Variants in HUNK observed in about 807,000 individuals in gnomAD.
HUNK encodes hormonally up-regulated Neu-associated kinase, also known as hormonally up-regulated neu tumor-associated kinase.
HUNK carries 21 observed loss-of-function variants against 61.0 expected under a neutral mutation model. The ratio of observed to expected loss-of-function variants is 0.34; its 90% CI spans 0.24 to 0.50. The LOEUF is 0.50. Ranked by LOEUF, HUNK falls within the 20% of genes least tolerant of loss-of-function variation. HUNK has a pLI of 0.98. For missense variants in HUNK, 772 were observed against 945.7 expected, an observed-to-expected ratio of 0.82 and a Z score of 2.41; for synonymous variants, 371 against 386.1, an observed-to-expected ratio of 0.96 and a Z score of 0.46.
chr21:31,924,278 GTGTGTGTT>G lies in HUNK; in HGVS notation c.262-183_262-176del, dbSNP rs1192671767. Reference sequence around the variant, plus strand: ...ATGTTGTACCTATATGTGTGTGTGTGTGTGTGTTTGTGTGGTATATGCATAAATATAAA... The same window carrying G: ...ATGTTGTACCTATATGTGTGTGTGTGTGTGTGGTATATGCATAAATATAAA... On this transcript the variant is annotated intron_variant, in intron 1 of 10. Transcript: ENST00000270112. The surrounding 1 kb of genome is among the most constrained non-coding windows in gnomAD (Gnocchi z 5.1). Among the ~76,000 whole-genome samples, 3 of 150,128 alleles carry G rather than the reference GTGTGTGTT, an allele frequency of 2.0e-5. No individual in the cohort carries two copies. The highest frequency in any genetic ancestry group is 7.4e-5 in the African/African-American group (3 of 40,298).
intron 3 of HUNK, among the ~76,000 whole-genome samples, chr21:31,942,963 A>C (rs2052779165): frequency 6.6e-6 from 1 of 152,136 alleles, no homozygotes; most frequent in Admixed American, 6.5e-5. Flanking sequence ...GGAGAGATGA[A>C]GGCCCAGTGT....
chr21:31,946,160 T>C lies in HUNK; in HGVS notation c.735T>C (p.Asp245=). ...LARKKYGPKI[D]VWSIGVNMYA... Reference sequence around the variant, plus strand: ...GGAAGAAATACGGCCCCAAAATCGATGTCTGGTCCATGTGAGTTATCAAGC... The same window carrying C: ...GGAAGAAATACGGCCCCAAAATCGACGTCTGGTCCATGTGAGTTATCAAGC... Residue 245 remains aspartate (D), a synonymous_variant, in exon 4 of 11, where the codon GAT becomes GAC. Coordinates refer to ENST00000270112, the MANE Select transcript of HUNK (RefSeq NM_014586.2). 1.2e-6 allele frequency: 2 copies of C among 1,612,136 alleles called. No individual in the cohort carries two copies. The highest frequency in any genetic ancestry group is 2.2e-5 in the South Asian group (2 of 91,002).
intron 7 of HUNK, among the ~76,000 whole-genome samples, chr21:31,982,965 G>A (rs185647603): frequency 9.1e-4 from 139 of 152,172 alleles, no homozygotes; most frequent in Non-Finnish European, 5.6e-4. Flanking sequence ...CACCATGATT[G>A]GCTATTTTTG....
At chr21:31,972,280 G>T (rs1252432116) in intron 6 of HUNK, among the ~76,000 whole-genome samples, 1 of 152,092 alleles carries the variant, frequency 6.6e-6, no homozygotes, top group Non-Finnish European at 1.5e-5. Flanking sequence ...GATTGCATGT[G>T]AATTTGCTCA....
At chr21:31,878,767 G>A (rs1363356812) in intron 1 of HUNK, among the ~76,000 whole-genome samples, 1 of 152,214 alleles carries the variant, frequency 6.6e-6, no homozygotes, top group Non-Finnish European at 1.5e-5. Flanking sequence ...TGGAAAAGCT[G>A]AATCGAGAAA....
At chr21:31,967,790 C>G (rs1471225195) in intron 5 of HUNK, among the ~76,000 whole-genome samples, 1 of 152,190 alleles carries the variant, frequency 6.6e-6, no homozygotes, top group Non-Finnish European at 1.5e-5. Flanking sequence ...TGCTCAAAAA[C>G]CTACCTTGCG....
At chr21:31,881,616 C>T (rs2052308118) in intron 1 of HUNK, among the ~76,000 whole-genome samples, 1 of 152,094 alleles carries the variant, frequency 6.6e-6, no homozygotes, top group Non-Finnish European at 1.5e-5. Context: ...AGAGCAAAAA[C>T]TCCATAACAA....
At chr21:31,935,801 T>C (rs1441878610) in intron 2 of HUNK, among the ~76,000 whole-genome samples, 1 of 152,140 alleles carries the variant, frequency 6.6e-6, no homozygotes, top group Non-Finnish European at 1.5e-5. Context: ...TTCTGTAATA[T>C]CTTATCTCTT....
intron 7 of HUNK, among the ~76,000 whole-genome samples, chr21:31,979,415 C>T (rs867418205): frequency 3.5e-5 from 5 of 142,722 alleles, no homozygotes; most frequent in African/African-American, 1.3e-4. Flanking sequence ...CCGCGCCCGG[C>T]CCCTATTGGC....
Position 31,908,054 on chromosome 21 carries a change from A to T in HUNK, c.262-16414A>T, listed in dbSNP as rs79873193. 1.1e-3 allele frequency among the ~76,000 whole-genome samples: 171 copies of T among 152,214 alleles called. 2 individuals carry two copies. The East Asian group carries it at 0.016, about 14-fold the overall frequency. On this transcript the variant is annotated intron_variant, in intron 1 of 10. Transcript: ENST00000270112. ...TAGGTGTTTTTACCGCAATAAAAAAATTTTTTTTAAATGAACAAAAACTTA... is the reference window on the plus strand; with the variant it reads ...TAGGTGTTTTTACCGCAATAAAAAATTTTTTTTTAAATGAACAAAAACTTA...
In HUNK at chr21:32,000,769, C is replaced by A. The variant is rs1035103234; in HGVS notation, c.*1585C>A. On this transcript the variant is annotated 3_prime_UTR_variant, in exon 11 of 11. Transcript: ENST00000270112. ...CAGTTCTGAATCATTCTCTCATTCACCAGTGGTGACATCCTTCAGTCCCTC... is the reference window on the plus strand; with the variant it reads ...CAGTTCTGAATCATTCTCTCATTCAACAGTGGTGACATCCTTCAGTCCCTC... The A allele has an allele frequency of 5.0e-6, 2 of 398,508 alleles. No individual in the cohort carries two copies. The highest frequency in any genetic ancestry group is 8.8e-6 in the Non-Finnish European group (2 of 226,078). 24.7% of individuals were successfully genotyped at this position (398,508 alleles called of 1,614,324 possible). A position where few individuals can be genotyped will look rare whatever the true frequency, so the allele number is the denominator to read the frequency against.
intron 4 of HUNK, among the ~76,000 whole-genome samples, chr21:31,955,687 A>T (rs187507820): frequency 2.6e-5 from 4 of 152,254 alleles, no homozygotes; most frequent in African/African-American, 9.6e-5. Flanking sequence ...GCCTCTGGTT[A>T]TGCTTTGTGA....
rs745584998 is a variant in HUNK at position 31,983,605 on chromosome 21, A to T, written c.1253A>T (p.Tyr418Phe). The change falls in exon 8 of 11, where the codon TAT becomes TTT. Residue 418 changes from tyrosine to phenylalanine, a missense_variant. By Grantham distance (22) the Tyr-to-Phe change is conservative. Coordinates refer to ENST00000270112, the MANE Select transcript of HUNK (RefSeq NM_014586.2). ...AAGTACAGGGCCCCCAAGGAGTCCTATGAGGTGAGTGACCCCTGAAGCAAA... is the reference window on the plus strand; with the variant it reads ...AAGTACAGGGCCCCCAAGGAGTCCTTTGAGGTGAGTGACCCCTGAAGCAAA... ...IEKYRAPKES[Y>F]EASLDTWTRD... 3 of 1,611,216 alleles carry T rather than the reference A, an allele frequency of 1.9e-6. No homozygotes were observed. The highest frequency in any genetic ancestry group is 2.5e-6 in the Non-Finnish European group (3 of 1,177,870).
At chr21:31,879,257 T>C (rs2052288470) in intron 1 of HUNK, among the ~76,000 whole-genome samples, 1 of 152,218 alleles carries the variant, frequency 6.6e-6, no homozygotes. Context: ...CAAGAAATGC[T>C]TAGAGAACTG....
intron 1 of HUNK, among the ~76,000 whole-genome samples, chr21:31,920,591 G>A (rs2052616064): frequency 6.6e-6 from 1 of 152,190 alleles, no homozygotes; most frequent in Non-Finnish European, 1.5e-5. Flanking sequence ...TATGAAATAT[G>A]TGTGTGTCTA....
chr21:31,980,586 A>G (rs559697597), intron 7 of HUNK, among the ~76,000 whole-genome samples: 1 of 151,504 alleles, frequency 6.6e-6, no homozygotes, highest in East Asian at 2.0e-4. Flanking sequence ...TTTAGTAGAG[A>G]TGGGGTTTCA....
intron 9 of HUNK, among the ~76,000 whole-genome samples, chr21:31,991,852 G>A (rs554051296): frequency 5.3e-5 from 8 of 152,344 alleles, no homozygotes; most frequent in Admixed American, 3.9e-4. Flanking sequence ...CTCCGGCCTG[G>A]GGTGATGAGG....
At position 31,913,171 on chromosome 21, in the gene HUNK, C is replaced by T. The variant is rs80088836; in HGVS notation, c.262-11297C>T. Among the ~76,000 whole-genome samples the T allele has an allele frequency of 6.5e-3, 991 of 152,200 alleles. 11 individuals are homozygous for T. The highest frequency in any genetic ancestry group is 0.023 in the African/African-American group (943 of 41,514). On this transcript the variant is annotated intron_variant, in intron 1 of 10. Coordinates refer to ENST00000270112, the MANE Select transcript of HUNK (RefSeq NM_014586.2). ...AGTGGAGGGTATCATAGCAGCTAAG[C>T]GTGTGTGTGATGGGTGTGACAGCTG...
intron 1 of HUNK, among the ~76,000 whole-genome samples, chr21:31,879,534 A>G (rs1174430155): frequency 6.6e-6 from 1 of 152,232 alleles, no homozygotes; most frequent in Admixed American, 6.5e-5. Flanking sequence ...AGTCAGCGCA[A>G]CAGTGCAGAA....
Sources: gnomAD v4.1 joint callset for allele counts (sites outside exome capture counted in the v4.1 genomes callset) on GRCh38, gnomAD v4.1.1 for gene constraint, Gnocchi (gnomAD v3.1) non-coding constraint, MANE v1.5 for transcripts, NCBI Gene and HGNC (gene_info 2026-07-23, HGNC 2026-07-21) for gene names.